The following TTC6 variants were observed in gnomAD, a reference collection of about 807,000 sequenced individuals.
TTC6 encodes tetratricopeptide repeat protein 6.
A neutral mutation model predicts 210.4 loss-of-function variants in TTC6; 172 were observed. The ratio of observed to expected loss-of-function variants is 0.82; its 90% CI spans 0.72 to 0.93. The LOEUF is 0.93. TTC6 is among the 40% of genes least tolerant of loss of function. The pLI is 0.00. For missense variants in TTC6, 2,414 were observed against 2,318.1 expected (o/e 1.04, Z -0.85); for synonymous variants, 804 against 819.6 (o/e 0.98, Z 0.32).
At chr14:37,709,224 A>C (rs992410583) in intron 5 of TTC6, among the ~76,000 whole-genome samples, 1 of 152,074 alleles carries the variant, frequency 6.6e-6, no homozygotes, top group Non-Finnish European at 1.5e-5. Context: ...TGAGTTGGTG[A>C]TACATGTCAC....
intron 1 of TTC6, among the ~76,000 whole-genome samples, chr14:37,644,081 C>T (rs191806286): frequency 1.1e-3 from 161 of 152,218 alleles, no homozygotes; most frequent in African/African-American, 3.6e-3. Flanking sequence ...TATCAGCTGT[C>T]GCTAGGACAA....
In TTC6 at chr14:37,622,506, C is replaced by T; in HGVS notation, c.442C>T (p.Pro148Ser). The T allele has an allele frequency of 3.3e-6, 5 of 1,535,264 alleles. No homozygotes were observed. In the South Asian group the frequency reaches 3.6e-5, roughly 11 times the overall value. The change falls in exon 1 of 31, where the codon CCC becomes TCC. Residue 148 changes from proline to serine, a missense_variant. Coordinates refer to ENST00000553443, the Ensembl canonical transcript of TTC6. ...CGCCTCGGGGTTCGGCACGGCCAGA[C>T]CCGTGGTCCTGCTGCCTCCGCCCGA...
rs535258709 is a variant in TTC6, at chr14:37,813,374, A to G, written c.4689+941A>G. ...GGAAGTAAAGAACCTCCCTGTTTGT[A>G]GTAGGCAAGAAAACGATGGGCAACA... On this transcript the variant is annotated intron_variant, in intron 25 of 30. Transcript: ENST00000553443. Among the ~76,000 whole-genome samples the G allele has an allele frequency of 1.4e-3, 212 of 152,310 alleles. 1 individual carries two copies. The highest frequency in any genetic ancestry group is 2.9e-3 in the Admixed American group (45 of 15,286).
intron 3 of TTC6, among the ~76,000 whole-genome samples, chr14:37,691,160 C>T (rs2095802878): frequency 6.6e-6 from 1 of 151,986 alleles, no homozygotes; most frequent in Admixed American, 6.6e-5. Context: ...TGAAACCCCA[C>T]CTGCACTAAA....
At chr14:37,728,043 G>T (rs983966311) in intron 7 of TTC6, among the ~76,000 whole-genome samples, 2 of 152,054 alleles carry the variant, frequency 1.3e-5, no homozygotes, top group African/African-American at 4.8e-5. Flanking sequence ...TACTTCCTGG[G>T]TAACCTCGTA....
At chr14:37,643,575 A>G (rs907728092) in intron 1 of TTC6, among the ~76,000 whole-genome samples, 1 of 152,140 alleles carries the variant, frequency 6.6e-6, no homozygotes, top group Non-Finnish European at 1.5e-5. Flanking sequence ...CAGTCTTGGT[A>G]GTAAGTAAAA....
At chr14:37,842,248 A>C in exon 31 of TTC6, 4 of 1,608,548 alleles carry the variant, frequency 2.5e-6, no homozygotes, top group Non-Finnish European at 3.4e-6. Flanking sequence ...ATGGCTGACT[A>C]TAACCAAGCA....
In TTC6 at chr14:37,630,741, C is replaced by T. The variant is rs566857359; in HGVS notation, c.939+7738C>T. Among the ~76,000 whole-genome samples the T allele has an allele frequency of 6.6e-5, 10 of 151,844 alleles. No individual in the cohort carries two copies. In the South Asian group the frequency reaches 2.1e-3, roughly 32 times the overall value. On this transcript the variant is annotated intron_variant, in intron 1 of 30. Transcript: ENST00000553443. Reference sequence around the variant, plus strand: ...AGTCTTTTTGTAGGTCTCTGAGAACCTGCTTTATGAATCTGGGTGCTCTTG... The same window carrying T: ...AGTCTTTTTGTAGGTCTCTGAGAACTTGCTTTATGAATCTGGGTGCTCTTG...
At chr14:37,835,489 G>A (rs2096195682) in intron 29 of TTC6, among the ~76,000 whole-genome samples, 1 of 152,098 alleles carries the variant, frequency 6.6e-6, no homozygotes, top group African/African-American at 2.4e-5. Context: ...TTGCAGATGT[G>A]GCCCTTGATG....
At chr14:37,815,024 G>A (rs373021813) in intron 25 of TTC6, among the ~76,000 whole-genome samples, 26 of 152,278 alleles carry the variant, frequency 1.7e-4, no homozygotes, top group South Asian at 1.0e-3. Context: ...TTAACCAGAA[G>A]TTAATGGGTT....
chr14:37,793,604 T>C (rs2096085548), intron 17 of TTC6, among the ~76,000 whole-genome samples: 1 of 152,290 alleles, frequency 6.6e-6, no homozygotes, highest in East Asian at 1.9e-4. Flanking sequence ...AGGGAAAGGA[T>C]GGACAATACT....
intron 5 of TTC6, among the ~76,000 whole-genome samples, chr14:37,712,678 A>T (rs1385384691): frequency 6.6e-6 from 1 of 152,106 alleles, no homozygotes; most frequent in Non-Finnish European, 1.5e-5. Flanking sequence ...AAGGGGGAAA[A>T]GCCCCTTATG....
In TTC6 at chr14:37,709,537, T is replaced by C. The variant is rs2095841073; in HGVS notation, c.1572-5118T>C. Among the ~76,000 whole-genome samples the C allele has an allele frequency of 2.6e-5, 4 of 152,040 alleles. No individual in the cohort carries two copies. The South Asian group carries it at 8.3e-4, about 32-fold the overall frequency. ...CTTGGAAATACCCAAAAAGGAATTA[T>C]TTGAAAATTTGTCTGTTACCATAAC... On this transcript the variant is annotated intron_variant, in intron 5 of 30. Transcript: ENST00000553443.
chr14:37,831,976 G>T (rs186278456), intron 29 of TTC6, among the ~76,000 whole-genome samples: 2 of 152,142 alleles, frequency 1.3e-5, no homozygotes, highest in Admixed American at 1.3e-4. Flanking sequence ...TGTTGCCTGT[G>T]CTTTTGTGGT....
intron 16 of TTC6, 112 bp from the exon 19 acceptor site, chr14:37,792,152 A>T (rs1161699992): frequency 1.2e-6 from 1 of 847,312 alleles, no homozygotes; most frequent in Non-Finnish European, 1.7e-6. Flanking sequence ...AACATTAAAA[A>T]ATACTCTGAT....
At chr14:37,688,575 C>T (rs1431087608) in intron 3 of TTC6, among the ~76,000 whole-genome samples, 1 of 151,988 alleles carries the variant, frequency 6.6e-6, no homozygotes, top group Non-Finnish European at 1.5e-5. Flanking sequence ...TCCCCAGCTC[C>T]AGTTGGCTCA....
rs562473096 is a variant in TTC6 at position 37,762,128 on chromosome 14, G to A, written c.3266+8893G>A. ...AACATAATGTCTTCCAAGTTAATTC[G>A]TATTGTTGTAAGTGGTGGGATTTCC... On this transcript the variant is annotated intron_variant, in intron 14 of 30. Coordinates refer to ENST00000553443, the Ensembl canonical transcript of TTC6. Among the ~76,000 whole-genome samples the A allele has an allele frequency of 1.3e-4, 20 of 152,144 alleles. No individual in the cohort carries two copies. In the South Asian group the frequency reaches 2.3e-3, roughly 17 times the overall value.
At chr14:37,717,579 A>T (rs2095854771) in intron 6 of TTC6, among the ~76,000 whole-genome samples, 1 of 152,136 alleles carries the variant, frequency 6.6e-6, no homozygotes, top group African/African-American at 2.4e-5. Flanking sequence ...CCTTCTCCCA[A>T]ATATGTAAGC....
Position 37,614,071 on chromosome 14 carries a change from T to A in TTC6, c.-155+7329T>A, listed in dbSNP as rs151320195. 8.4e-3 allele frequency among the ~76,000 whole-genome samples: 1,275 copies of A among 152,218 alleles called. 20 individuals are homozygous for A. Among genetic ancestry groups the A allele is most frequent in the African/African-American group, 0.029 (1,210 of 41,566 alleles). Reference sequence around the variant, plus strand: ...ATTGATTTTAGACCTTTCTTCTTTTTGATTTCATCATTTAGGGTATAAGTT... The same window carrying A: ...ATTGATTTTAGACCTTTCTTCTTTTAGATTTCATCATTTAGGGTATAAGTT... On this transcript the variant is annotated intron_variant, in intron 2 of 2. Coordinates refer to the TTC6 transcript ENST00000556845.
Sources: allele counts gnomAD v4.1 joint callset (sites outside exome capture counted in the v4.1 genomes callset), GRCh38; gene constraint gnomAD v4.1.1; transcripts MANE v1.5; gene names NCBI Gene and HGNC (gene_info 2026-07-23, HGNC 2026-07-21).